HNF4A: variants seen among roughly 807,000 people sequenced by gnomAD.
The protein encoded by HNF4A is hepatocyte nuclear factor 4 alpha.
HNF4A carries 15 observed loss-of-function variants against 52.4 expected under a neutral mutation model. The ratio of observed to expected loss-of-function variants is 0.29; its 90% confidence interval spans 0.19 to 0.44. HNF4A has a LOEUF of 0.44. Among genes scored for constraint, HNF4A ranks in the 20% least tolerant of loss-of-function variants. The pLI, the probability that HNF4A is intolerant of heterozygous loss-of-function variation, is 1.00. For synonymous variants in HNF4A, 280 were observed against 264.4 expected, an observed-to-expected ratio of 1.06 and a Z score of -0.57; for missense variants, 479 against 647.2, an observed-to-expected ratio of 0.74 and a Z score of 2.82.
intron 1 of HNF4A, among the ~76,000 whole-genome samples, chr20:44,387,023 C>G (rs151223981): frequency 1.2e-3 from 183 of 152,142 alleles, no homozygotes; most frequent in African/African-American, 4.1e-3. Flanking sequence ...GTATTCCAGG[C>G]CAGGTGTGGT....
upstream of HNF4A, among the ~76,000 whole-genome samples, chr20:44,399,699 C>A (rs1051264097): frequency 6.6e-6 from 1 of 152,184 alleles, no homozygotes; most frequent in African/African-American, 2.4e-5. Context: ...CCCATTTGCT[C>A]ACTTACTCAG....
intron 1 of HNF4A, among the ~76,000 whole-genome samples, chr20:44,364,583 C>T (rs1419999109): frequency 1.3e-5 from 2 of 152,038 alleles, no homozygotes. Flanking sequence ...CAATTCTCTG[C>T]CTCAGCTTCC....
At chr20:44,423,925 T>G in intron 7 of HNF4A, 93 bp from the exon 8 acceptor site, 1 of 1,195,912 alleles carries the variant, frequency 8.4e-7, no homozygotes, top group South Asian at 1.3e-5. Flanking sequence ...AGACTCCTTG[T>G]GTGATACAAG....
chr20:44,359,194 G>A (rs928619396), intron 1 of HNF4A, among the ~76,000 whole-genome samples: 1 of 152,124 alleles, frequency 6.6e-6, no homozygotes, highest in East Asian at 1.9e-4. Context: ...TTAAAACAGC[G>A]CTACAATGAT....
chr20:44,406,115 C>A lies in HNF4A; in HGVS notation c.173C>A (p.Ala58Asp). The A allele has an allele frequency of 6.2e-7, 1 of 1,613,736 alleles. No homozygotes were observed. The highest frequency in any genetic ancestry group is 8.5e-7 in the Non-Finnish European group (1 of 1,180,032). ...GCGCCCAACAGCCTGGGTGTCAGCG[C>A]CCTGTGTGCCATCTGCGGGGACCGG... Residue 58 changes from alanine (A) to aspartate (D), a missense_variant, in exon 2 of 10, where the codon GCC becomes GAC. This residue lies in a region of HNF4A where 90 missense variants were observed against 105.5 expected (regional missense o/e 0.85). Coordinates refer to ENST00000316099, the MANE Select transcript of HNF4A (RefSeq NM_000457.6).
At chr20:44,427,497 A>G (rs866931844) in intron 8 of HNF4A, among the ~76,000 whole-genome samples, 1 of 152,212 alleles carries the variant, frequency 6.6e-6, no homozygotes, top group Admixed American at 6.5e-5. Flanking sequence ...AAATAGATGT[A>G]CTGTAGAGAT....
intron 1 of HNF4A, among the ~76,000 whole-genome samples, chr20:44,402,321 G>A (rs1370759216): frequency 6.6e-6 from 1 of 152,154 alleles, no homozygotes; most frequent in African/African-American, 2.4e-5. Context: ...ACATGCGTTT[G>A]TGCATGCGGA....
At chr20:44,390,402 CT>C in intron 1 of HNF4A, 1 of 519,526 alleles carries the variant, frequency 1.9e-6, no homozygotes, top group South Asian at 2.7e-5. Context: ...GGGGTTGGCT[CT>C]CTAGGAGCCC....
rs748558393 is a variant in HNF4A at position 44,401,381 on chromosome 20, C to T, written c.9C>T (p.Leu3=). 4.3e-6 allele frequency: 7 copies of T among 1,614,188 alleles called. No individual in the cohort carries two copies. The South Asian group carries it at 7.7e-5, about 18-fold the overall frequency. Reference sequence around the variant, plus strand: ...GCGTGGAGGCAGGGAGAATGCGACTCTCCAAAACCCTCGTCGACATGGACA... The same window carrying T: ...GCGTGGAGGCAGGGAGAATGCGACTTTCCAAAACCCTCGTCGACATGGACA... The change falls in exon 1 of 10, where the codon CTC becomes CTT. Residue 3 remains leucine (L), a synonymous_variant. Coordinates refer to ENST00000316099, the MANE Select transcript of HNF4A (RefSeq NM_000457.6).
chr20:44,363,970 G>A (rs1032825260), intron 1 of HNF4A, among the ~76,000 whole-genome samples: 10 of 152,080 alleles, frequency 6.6e-5, no homozygotes, highest in African/African-American at 1.9e-4. Context: ...GATTACAGGT[G>A]TAAGCCACAG....
At chr20:44,364,715 GC>G (rs1177672794) in intron 1 of HNF4A, among the ~76,000 whole-genome samples, 1 of 152,068 alleles carries the variant, frequency 6.6e-6, no homozygotes, top group Admixed American at 6.6e-5. Flanking sequence ...TGATCCACCT[GC>G]CCCGACCTCC....
intron 5 of HNF4A, 32 bp from the exon 6 acceptor site, chr20:44,418,393 A>G (rs1310742066): frequency 1.9e-6 from 3 of 1,594,936 alleles, no homozygotes; most frequent in Admixed American, 1.7e-5. Context: ...CCAAGGGTAC[A>G]GATGGCAAAC....
At chr20:44,367,639 CAA>C (rs61083507) in intron 1 of HNF4A, among the ~76,000 whole-genome samples, 1,655 of 121,242 alleles carry the variant, frequency 0.014, 45 homozygotes, top group African/African-American at 0.048. Context: ...CACTCCGTCT[CAA>C]AAAAAAAAAA....
At chr20:44,382,236 T>C (rs2063163309) in intron 1 of HNF4A, among the ~76,000 whole-genome samples, 1 of 116,810 alleles carries the variant, frequency 8.6e-6, no homozygotes, top group Non-Finnish European at 1.9e-5. Context: ...TTTCTTTCTT[T>C]CTTTCTTTCT....
rs11392606 is a variant in HNF4A, at chr20:44,413,018, T to TC, written c.386-674dup. On this transcript the variant is annotated intron_variant, in intron 3 of 9. Coordinates refer to ENST00000316099, the MANE Select transcript of HNF4A (RefSeq NM_000457.6). The stretch of plus-strand genomic sequence containing the variant: ...CTCTTGGACTCCAAGGGCTATCCCA[T>TC]CCACTGTCGGGATGGTGGAAGGATC... 6.1e-3 allele frequency among the ~76,000 whole-genome samples: 930 copies of TC among 152,224 alleles called. 6 individuals are homozygous for TC. The highest frequency in any genetic ancestry group is 0.019 in the African/African-American group (805 of 41,528).
chr20:44,424,139 G>A lies in HNF4A; in HGVS notation c.1014G>A (p.Leu338=). 6.2e-7 allele frequency: 1 copy of A among 1,613,684 alleles called. No individual in the cohort carries two copies. ...CGCGTGGCCGCTTTGGAGAGCTGCT[G>A]CTGCTGCTGCCCACCTTGCAGAGCA... is the stretch of plus-strand genomic sequence containing the variant. The change falls in exon 8 of 10, where the codon CTG becomes CTA. Residue 338 remains leucine (L), a synonymous_variant. Transcript: ENST00000316099.
In HNF4A at chr20:44,361,635, G is replaced by A. The variant is rs544238800; in HGVS notation, c.49+5782G>A. ...AGAGGTTGCAGTGAGCCAAGATCACGCCACTGCACTCTAGCCTGGCGACAG... is the reference window on the plus strand; with the variant it reads ...AGAGGTTGCAGTGAGCCAAGATCACACCACTGCACTCTAGCCTGGCGACAG... On this transcript the variant is annotated intron_variant, in intron 1 of 9. Transcript: ENST00000316673. Among the ~76,000 whole-genome samples the A allele has an allele frequency of 1.7e-4, 26 of 152,082 alleles. No homozygotes were observed. In the South Asian group the frequency reaches 4.1e-3, roughly 24 times the overall value.
At chr20:44,385,906 C>T (rs1368266786) in intron 1 of HNF4A, among the ~76,000 whole-genome samples, 1 of 152,132 alleles carries the variant, frequency 6.6e-6, no homozygotes, top group Admixed American at 6.5e-5. Context: ...GGCGCCCAGG[C>T]TGGAGTGCAG....
intron 4 of HNF4A, among the ~76,000 whole-genome samples, chr20:44,414,069 G>A (rs1049288594): frequency 1.7e-4 from 26 of 152,206 alleles, no homozygotes; most frequent in Admixed American, 9.8e-4. Context: ...GAGGGCCTGC[G>A]ATCAGCTCAG....
Sources: gnomAD v4.1 joint callset for allele counts (sites outside exome capture counted in the v4.1 genomes callset) on GRCh38, gnomAD v4.1.1 for gene constraint, gnomAD v4.1.1 regional missense constraint, MANE v1.5 for transcripts, NCBI Gene and HGNC (gene_info 2026-07-23, HGNC 2026-07-21) for gene names.